TDRD3: variants seen among roughly 807,000 people sequenced by gnomAD.
TDRD3 encodes the protein tudor domain containing 3.
TDRD3 carries 45 observed loss-of-function variants against 86.7 expected under a neutral mutation model. The ratio of observed to expected loss-of-function variants is 0.52; its 90% CI spans 0.41 to 0.67. The LOEUF (loss-of-function observed/expected upper bound fraction) is 0.67, where lower values mean the gene tolerates loss of function less well. TDRD3 is among the 30% of genes least tolerant of loss of function. The pLI is 0.00. For missense variants in TDRD3, 814 were observed against 889.0 expected (o/e 0.92, Z 1.07); for synonymous variants, 298 against 301.7 (o/e 0.99, Z 0.13).
chr13:60,519,835 G>C lies in TDRD3; in HGVS notation c.1142-8532G>C, dbSNP rs544676332. On this transcript the variant is annotated intron_variant, in intron 10 of 13. Coordinates refer to ENST00000377881, the MANE Select transcript of TDRD3 (RefSeq NM_001146070.2). Reference sequence around the variant, plus strand: ...AGCTCATTTGGTTTTTTAATTATGTGAGAAATTTTACTAAACTAGAAATTT... The same window carrying C: ...AGCTCATTTGGTTTTTTAATTATGTCAGAAATTTTACTAAACTAGAAATTT... 2.6e-5 allele frequency among the ~76,000 whole-genome samples: 4 copies of C among 152,206 alleles called. No homozygotes were observed. In the South Asian group the frequency reaches 8.3e-4, roughly 32 times the overall value.
chr13:60,522,427 G>C (rs1957308584), intron 10 of TDRD3, among the ~76,000 whole-genome samples: 1 of 152,100 alleles, frequency 6.6e-6, no homozygotes, highest in South Asian at 2.1e-4. Flanking sequence ...AAGTTTATTT[G>C]CTTAATTTTA....
In TDRD3 at chr13:60,516,059, A is replaced by G. The variant is rs187351832; in HGVS notation, c.1141+5304A>G. 2.6e-3 allele frequency among the ~76,000 whole-genome samples: 390 copies of G among 152,344 alleles called. 2 individuals carry two copies. Among genetic ancestry groups the G allele is most frequent in the South Asian group, 7.2e-3 (35 of 4,828 alleles). On this transcript the variant is annotated intron_variant, in intron 10 of 13. Coordinates refer to ENST00000377881, the MANE Select transcript of TDRD3 (RefSeq NM_001146070.2). ...TTATTTGGGTCTGTTATAGACTCAAATTGACATTACAAAGAAGTAATTGTG... is the reference window on the plus strand; with the variant it reads ...TTATTTGGGTCTGTTATAGACTCAAGTTGACATTACAAAGAAGTAATTGTG...
intron 12 of TDRD3, among the ~76,000 whole-genome samples, chr13:60,563,332 C>T (rs1958380903): frequency 6.6e-6 from 1 of 151,984 alleles, no homozygotes; most frequent in Admixed American, 6.6e-5. Flanking sequence ...AGAGCCCCCG[C>T]CAAATTTCTA....
intron 11 of TDRD3, among the ~76,000 whole-genome samples, chr13:60,533,174 C>G (rs1010463604): frequency 6.6e-6 from 1 of 152,144 alleles, no homozygotes. Flanking sequence ...TCTAAACTTG[C>G]TAACATTCAG....
At chr13:60,509,666 G>C (rs1957015633) in intron 8 of TDRD3, 97 bp from the exon 9 acceptor site, 1 of 1,399,814 alleles carries the variant, frequency 7.1e-7, no homozygotes, top group South Asian at 1.2e-5. Context: ...CATAAGTATG[G>C]GATGTAATTT....
chr13:60,462,588 G>C (rs181155107), intron 4 of TDRD3, among the ~76,000 whole-genome samples: 5 of 152,216 alleles, frequency 3.3e-5, no homozygotes, highest in Admixed American at 3.3e-4. Context: ...ATACGGATGT[G>C]TTACCTTACA....
chr13:60,489,072 G>C (rs1371182303), intron 7 of TDRD3, among the ~76,000 whole-genome samples: 2 of 151,996 alleles, frequency 1.3e-5, no homozygotes, highest in East Asian at 3.9e-4. Flanking sequence ...AATCTCGTTT[G>C]TCTATTTTTA....
At chr13:60,451,836 C>A (rs1399360049) in intron 3 of TDRD3, among the ~76,000 whole-genome samples, 1 of 152,128 alleles carries the variant, frequency 6.6e-6, no homozygotes, top group Non-Finnish European at 1.5e-5. Flanking sequence ...GCTATTCTCT[C>A]CCCTGCCCAT....
chr13:60,438,706 A>G (rs541751329), intron 1 of TDRD3, among the ~76,000 whole-genome samples: 3 of 152,102 alleles, frequency 2.0e-5, no homozygotes, highest in East Asian at 3.9e-4. Flanking sequence ...GTTTACTTTG[A>G]TAAGTATCTT....
chr13:60,428,331 T>A (rs1954862374), intron 1 of TDRD3, among the ~76,000 whole-genome samples: 1 of 151,832 alleles, frequency 6.6e-6, no homozygotes, highest in South Asian at 2.1e-4. Flanking sequence ...CATTAGGACA[T>A]AAGCATATCT....
intron 10 of TDRD3, among the ~76,000 whole-genome samples, chr13:60,520,156 G>A (rs1382178644): frequency 1.3e-5 from 2 of 152,022 alleles, no homozygotes; most frequent in South Asian, 2.1e-4. Flanking sequence ...AATATGTGTT[G>A]TATCTATAAA....
At chr13:60,464,376 A>G (rs141881530) in intron 4 of TDRD3, among the ~76,000 whole-genome samples, 125 of 152,256 alleles carry the variant, frequency 8.2e-4, no homozygotes, top group Middle Eastern at 3.4e-3. Context: ...TAGAAATACC[A>G]TATGATACAG....
chr13:60,527,444 T>G (rs987737821), intron 10 of TDRD3, among the ~76,000 whole-genome samples: 1 of 152,110 alleles, frequency 6.6e-6, no homozygotes, highest in African/African-American at 2.4e-5. Context: ...TGGGGAAATA[T>G]AAGAATAATT....
intron 12 of TDRD3, among the ~76,000 whole-genome samples, chr13:60,558,023 G>T (rs1302292609): frequency 6.6e-6 from 1 of 151,916 alleles, no homozygotes; most frequent in East Asian, 1.9e-4. Flanking sequence ...GGGTTTCACC[G>T]TGTTGGCCAG....
intron 8 of TDRD3, among the ~76,000 whole-genome samples, chr13:60,507,241 A>C (rs1025178065): frequency 6.6e-6 from 1 of 152,176 alleles, no homozygotes; most frequent in African/African-American, 2.4e-5. Context: ...ACTCCCACAC[A>C]ATAATAGTGG....
At chr13:60,530,484 A>G (rs1441439237) in intron 11 of TDRD3, among the ~76,000 whole-genome samples, 2 of 152,082 alleles carry the variant, frequency 1.3e-5, no homozygotes, top group Non-Finnish European at 2.9e-5. Flanking sequence ...CTTGTTGCCC[A>G]GGCTGGAGTG....
chr13:60,481,483 T>C (rs1163266174), intron 5 of TDRD3, among the ~76,000 whole-genome samples: 1 of 152,080 alleles, frequency 6.6e-6, no homozygotes, highest in South Asian at 2.1e-4. Context: ...TAGATTCTAT[T>C]ACTATACCTT....
intron 5 of TDRD3, among the ~76,000 whole-genome samples, chr13:60,475,644 T>G (rs796917016): frequency 1.8e-4 from 28 of 152,242 alleles, no homozygotes; most frequent in African/African-American, 6.3e-4. Flanking sequence ...GTGGCTGGAC[T>G]AGTTTACATT....
At chr13:60,502,058 G>T (rs547902734) in intron 8 of TDRD3, among the ~76,000 whole-genome samples, 1 of 152,288 alleles carries the variant, frequency 6.6e-6, no homozygotes, top group Non-Finnish European at 1.5e-5. Context: ...GTGTTGTGTA[G>T]TACATAATTT....
Sources: gnomAD v4.1 joint callset for allele counts (sites outside exome capture counted in the v4.1 genomes callset) on GRCh38, gnomAD v4.1.1 for gene constraint, MANE v1.5 for transcripts, NCBI Gene and HGNC (gene_info 2026-07-23, HGNC 2026-07-21) for gene names.